Variants in TENM4 observed in about 807,000 individuals in gnomAD.
TENM4 encodes teneurin transmembrane protein 4, also known as teneurin-4.
TENM4 carries 82 observed loss-of-function variants against 243.3 expected under a neutral mutation model. That is an observed-to-expected ratio of 0.34 (90% CI 0.28 to 0.40). The LOEUF (loss-of-function observed/expected upper bound fraction) is 0.40. TENM4 is among the 10% of genes least tolerant of loss of function. The pLI is 1.00. For synonymous variants in TENM4, 1,412 were observed against 1,456.3 expected (o/e 0.97, Z 0.69); for missense variants, 3,138 against 3,673.3 (o/e 0.85, Z 3.77).
intron 1 of TENM4, among the ~76,000 whole-genome samples, chr11:79,311,360 A>G (rs900472831): frequency 1.1e-4 from 17 of 152,154 alleles, no homozygotes; most frequent in African/African-American, 3.6e-4. Context: ...TAGCTAGCAC[A>G]GTGTCTGCCC....
At chr11:79,215,955 T>A (rs757002345) in intron 2 of TENM4, 46 bp from the exon 3 acceptor site, 43 of 710,628 alleles carry the variant, frequency 6.1e-5, no homozygotes, top group Non-Finnish European at 7.3e-5. Flanking sequence ...GGTGGCAAGA[T>A]GCCCCAATCC....
intron 3 of TENM4, among the ~76,000 whole-genome samples, chr11:79,194,746 A>C (rs1009411953): frequency 1.3e-5 from 2 of 152,232 alleles, no homozygotes; most frequent in Non-Finnish European, 2.9e-5. Context: ...AAAGTTTGGG[A>C]AATCTGCAGC....
In TENM4 at chr11:79,322,238, C is replaced by T. The variant is rs535940491; in HGVS notation, c.-320-24695G>A. ...TTCAAGTGACACCTGACTCAGGAAGCCTCTTTCCCTATGAGGAATGGATTC... is the reference window on the plus strand; with the variant it reads ...TTCAAGTGACACCTGACTCAGGAAGTCTCTTTCCCTATGAGGAATGGATTC... On this transcript the variant is annotated intron_variant, in intron 1 of 33. Coordinates refer to ENST00000278550, the MANE Select transcript of TENM4 (RefSeq NM_001098816.3). Among the ~76,000 whole-genome samples, 16 of 152,238 alleles carry T rather than the reference C, an allele frequency of 1.1e-4. 1 individual carries two copies. The highest frequency in any genetic ancestry group is 7.7e-4 in the East Asian group (4 of 5,164).
chr11:79,152,829 A>T (rs553743740), intron 3 of TENM4, among the ~76,000 whole-genome samples: 2 of 152,378 alleles, frequency 1.3e-5, no homozygotes, highest in South Asian at 4.1e-4. Flanking sequence ...TTTAGTGAGC[A>T]GGAAGATGTC....
chr11:78,677,621 A>G (rs1338665989), intron 29 of TENM4, among the ~76,000 whole-genome samples: 2 of 150,858 alleles, frequency 1.3e-5, no homozygotes, highest in East Asian at 3.8e-4. Flanking sequence ...AAGGTGAAAA[A>G]TAACTTTGAC....
intron 6 of TENM4, among the ~76,000 whole-genome samples, chr11:78,983,052 C>T (rs530465813): frequency 6.6e-6 from 1 of 152,328 alleles, no homozygotes; most frequent in Non-Finnish European, 1.5e-5. Flanking sequence ...TTTCTTTGAC[C>T]TTCAATACCC....
chr11:78,661,590 A>C lies in TENM4; in HGVS notation c.7410T>G (p.Asp2470Glu). 1 of 1,613,072 alleles carries C rather than the reference A, an allele frequency of 6.2e-7. No homozygotes were observed. The highest frequency in any genetic ancestry group is 8.5e-7 in the Non-Finnish European group (1 of 1,179,604). Residue 2470 changes from aspartate to glutamate, a missense_variant and splice_region_variant, in exon 33 of 34, where the codon GAT becomes GAG. Asp to Glu is a conservative substitution (Grantham distance 45). Coordinates refer to ENST00000278550, the MANE Select transcript of TENM4 (RefSeq NM_001098816.3). Reference sequence around the variant, plus strand: ...CAAAGGTGAGCAGCCAGCTGTTAACATCTGGATGGGAGGGAAGCAGAAACA... The same window carrying C: ...CAAAGGTGAGCAGCCAGCTGTTAACCTCTGGATGGGAGGGAAGCAGAAACA... The part of the protein sequence containing the change: ...NSQDIKCFMT[D>E]VNSWLLTFGF...
In TENM4 at chr11:78,702,084, G is replaced by C. The variant is rs1182229254; in HGVS notation, c.4529C>G (p.Pro1510Arg). 6.2e-7 allele frequency: 1 copy of C among 1,613,822 alleles called. No homozygotes were observed. The highest frequency in any genetic ancestry group is 2.2e-5 in the East Asian group (1 of 44,878). ...ATCATTTTTACAGTCACAGCCACTG[G>C]GGGCCCCAGCAACGAGTGAGATCTC... ...SGEISLVAGA[P>R]SGCDCKNDAN... Residue 1510 changes from proline (P) to arginine (R), a missense_variant, in exon 28 of 34, where the codon CCC becomes CGC. Around this residue, in one of 2 missense-constraint regions of TENM4, gnomAD observed 2,467 missense variants for 3,059.1 expected, o/e 0.81. Transcript: ENST00000278550.
At chr11:79,286,709 C>G (rs370008861) in intron 2 of TENM4, among the ~76,000 whole-genome samples, 28 of 152,162 alleles carry the variant, frequency 1.8e-4, no homozygotes, top group South Asian at 6.2e-4. Flanking sequence ...GGAAATAACA[C>G]AAACCTTTAG....
In TENM4 at chr11:78,672,195, G is replaced by T. The variant is rs1858348615; in HGVS notation, c.5631C>A (p.Ser1877Arg). Residue 1877 changes from serine (S) to arginine (R), a missense_variant, in exon 31 of 34, where the codon AGC becomes AGA. Physicochemically the swap from Ser to Arg is moderately radical, Grantham distance 110 (BLOSUM62 -1). Transcript: ENST00000278550. ...QAGRPSLWSP[S>R]SRLNGVNVTY... ...TCACGTTGACACCATTCAGCCTGCT[G>T]CTGGGTGACCAGAGGCTGGGCCGCC... 6.2e-7 allele frequency: 1 copy of T among 1,613,834 alleles called. No homozygotes were observed. Among genetic ancestry groups the T allele is most frequent in the East Asian group, 2.2e-5 (1 of 44,902 alleles).
chr11:79,210,548 G>T (rs1863936716), intron 3 of TENM4, among the ~76,000 whole-genome samples: 1 of 152,184 alleles, frequency 6.6e-6, no homozygotes, highest in African/African-American at 2.4e-5. Flanking sequence ...GCGTGGAGTC[G>T]TGGGAAAAGC....
chr11:78,696,480 CTGAG>C (rs34855174), intron 28 of TENM4, among the ~76,000 whole-genome samples: 64,501 of 151,626 alleles, frequency 0.43, 17,048 homozygotes, highest in African/African-American at 0.75. Context: ...ATGGTAGAGC[CTGAG>C]TGAGTGATAG....
chr11:78,792,711 G>A (rs1591027596), intron 15 of TENM4, among the ~76,000 whole-genome samples: 1 of 152,152 alleles, frequency 6.6e-6, no homozygotes, highest in African/African-American at 2.4e-5. Flanking sequence ...GTGTATGTCG[G>A]TTGATGCGAC....
intron 6 of TENM4, among the ~76,000 whole-genome samples, chr11:78,998,300 G>T (rs894549127): frequency 2.0e-5 from 3 of 152,172 alleles, no homozygotes; most frequent in Non-Finnish European, 4.4e-5. Context: ...GCCTCTCTGA[G>T]CTTCACTTTC....
chr11:79,337,275 G>A (rs1857162988), intron 1 of TENM4, among the ~76,000 whole-genome samples: 1 of 152,220 alleles, frequency 6.6e-6, no homozygotes, highest in Non-Finnish European at 1.5e-5. Context: ...ACTGGGAGGA[G>A]CAGATGTTTG....
intron 6 of TENM4, among the ~76,000 whole-genome samples, chr11:78,917,799 G>T (rs1010631371): frequency 1.3e-5 from 2 of 152,156 alleles, no homozygotes; most frequent in African/African-American, 4.8e-5. Flanking sequence ...AGTATGGTAG[G>T]AGGGTGGCCT....
At position 79,414,157 on chromosome 11, in the gene TENM4, T is replaced by TACACACAC. The variant is rs10587790; in HGVS notation, c.-321+26344_-321+26351dup. 7.6e-4 allele frequency among the ~76,000 whole-genome samples: 115 copies of TACACACAC among 150,850 alleles called. 3 individuals are homozygous for TACACACAC. The South Asian group carries it at 0.023, about 30-fold the overall frequency. On this transcript the variant is annotated intron_variant, in intron 1 of 33. Transcript: ENST00000278550. ...ACATGAACACATATACACACATGTG[T>TACACACAC]ACACACACACACACACACACACACA...
chr11:78,786,153 GGAAGGGAAC>G (rs1399852393), intron 16 of TENM4, among the ~76,000 whole-genome samples: 3 of 152,248 alleles, frequency 2.0e-5, no homozygotes, highest in African/African-American at 7.2e-5. Flanking sequence ...AAAGGCAGAA[GGAAGGGAAC>G]GAAGTGATCA....
chr11:79,045,710 A>G (rs563652383), intron 6 of TENM4, among the ~76,000 whole-genome samples: 14 of 139,872 alleles, frequency 1.0e-4, no homozygotes, highest in African/African-American at 2.9e-4. Context: ...AACAACCACT[A>G]ACTGGATGAC....
Sources: gnomAD v4.1 joint callset for allele counts (sites outside exome capture counted in the v4.1 genomes callset) on GRCh38, gnomAD v4.1.1 for gene constraint, gnomAD v4.1.1 regional missense constraint, MANE v1.5 for transcripts, NCBI Gene and HGNC (gene_info 2026-07-23, HGNC 2026-07-21) for gene names.